SYNE1: variants seen among roughly 807,000 people sequenced by gnomAD.
The protein encoded by SYNE1 is nesprin-1.
Under a neutral mutation model 1,111.0 loss-of-function variants are expected in SYNE1, and 616 were observed. That is an observed-to-expected ratio of 0.55 (90% CI 0.52 to 0.59). The LOEUF is 0.59. SYNE1 is among the 20% of genes least tolerant of loss of function. SYNE1 has a pLI of 0.00. For missense variants in SYNE1, 10,006 were observed against 10,417.0 expected, an observed-to-expected ratio of 0.96 and a Z score of 1.72; for synonymous variants, 3,855 against 3,825.8, an observed-to-expected ratio of 1.01 and a Z score of -0.28.
At chr6:152,550,321 C>T (rs555714581) in intron 3 of SYNE1, among the ~76,000 whole-genome samples, 32 of 152,124 alleles carry the variant, frequency 2.1e-4, no homozygotes, top group African/African-American at 7.2e-4. Flanking sequence ...TTTGATTTAT[C>T]TTATAATTCT....
At chr6:152,484,096 C>A (rs1040447044) in intron 13 of SYNE1, among the ~76,000 whole-genome samples, 3 of 150,106 alleles carry the variant, frequency 2.0e-5, no homozygotes, top group African/African-American at 7.4e-5. Flanking sequence ...CCTGTGGTCC[C>A]AGCTACTTGG....
At chr6:152,493,084 C>T (rs936418682) in intron 11 of SYNE1, among the ~76,000 whole-genome samples, 4 of 152,060 alleles carry the variant, frequency 2.6e-5, no homozygotes, top group African/African-American at 9.7e-5. Context: ...CTCTTGTATC[C>T]CCTGCACCTG....
At chr6:152,465,836 A>G in intron 17 of SYNE1, 146 bp downstream of exon 17, 1 of 662,938 alleles carries the variant, frequency 1.5e-6, no homozygotes, top group Non-Finnish European at 2.7e-6. Context: ...AGCCAAGGGA[A>G]CTGAATCCAG....
intron 82 of SYNE1, among the ~76,000 whole-genome samples, chr6:152,322,367 T>C (rs1563054144): frequency 6.6e-6 from 1 of 151,440 alleles, no homozygotes; most frequent in African/African-American, 2.4e-5. Context: ...TTAAAAAGTG[T>C]TAGGTTACCT....
rs780027543 is a variant in SYNE1, at chr6:152,354,898, C to A, written c.10687G>T (p.Gly3563Cys). The A allele has an allele frequency of 2.4e-5, 38 of 1,614,024 alleles. No homozygotes were observed. Among genetic ancestry groups the A allele is most frequent in the Non-Finnish European group, 3.1e-5 (37 of 1,180,028 alleles). Reference protein sequence around the residue: ...LHTREDVIPSGIPQAEDRALE... With the variant: ...LHTREDVIPSCIPQAEDRALE... ...GCCCGGTCCTCTGCCTGTGGGATAC[C>A]TGATGGGATCACATCCTCTCTGGTG... is the stretch of plus-strand genomic sequence containing the variant. Residue 3563 changes from glycine to cysteine, a missense_variant, in exon 67 of 146, where the codon GGT (glycine) becomes TGT (cysteine). Gly to Cys is a radical substitution (Grantham distance 159, BLOSUM62 -3). Around this residue, in one of 7 missense-constraint regions of SYNE1, gnomAD observed 4,955 missense variants for 5,017.2 expected, o/e 0.99. Coordinates refer to ENST00000367255, the MANE Select transcript of SYNE1 (RefSeq NM_182961.4).
At chr6:152,482,997 T>C in intron 14 of SYNE1, 88 bp downstream of exon 14, 1 of 1,441,602 alleles carries the variant, frequency 6.9e-7, no homozygotes, top group Non-Finnish European at 9.8e-7. Context: ...ATTTGGGGCG[T>C]CCCCGCCAGA....
At chr6:152,343,432 T>A (rs2096573879) in intron 74 of SYNE1, among the ~76,000 whole-genome samples, 1 of 151,734 alleles carries the variant, frequency 6.6e-6, no homozygotes, top group African/African-American at 2.4e-5. Flanking sequence ...GTGTTGGGAT[T>A]ACAGGCATGA....
Position 152,462,765 on chromosome 6 carries a change from A to G in SYNE1, c.2223T>C (p.Asn741=). The change falls in exon 20 of 146, where the codon AAT becomes AAC. Residue 741 remains asparagine (N), a synonymous_variant. Transcript: ENST00000367255. ...LSEPLEVSFM[N]VKLLIQDLED... ...CCAAGTCTTGAATTAATAGCTTGAC[A>G]TTCATAAAAGAGACTTCTAAGGGTT... The G allele has an allele frequency of 6.2e-7, 1 of 1,614,066 alleles. No individual in the cohort carries two copies. The highest frequency in any genetic ancestry group is 1.1e-5 in the South Asian group (1 of 91,078).
Position 152,339,261 on chromosome 6 carries a change from T to C in SYNE1, c.12331A>G (p.Ile4111Val), listed in dbSNP as rs755885051. The C allele has an allele frequency of 1.2e-6, 2 of 1,613,838 alleles. No homozygotes were observed. Among genetic ancestry groups the C allele is most frequent in the Non-Finnish European group, 1.7e-6 (2 of 1,179,834 alleles). Residue 4111 changes from isoleucine to valine, a missense_variant, in exon 75 of 146, where the codon ATT (isoleucine) becomes GTT (valine). By Grantham distance (29) the Ile-to-Val change is conservative. Around this residue, in one of 7 missense-constraint regions of SYNE1, gnomAD observed 4,955 missense variants for 5,017.2 expected, o/e 0.99. Transcript: ENST00000367255. ...NASVKTTAKD[I>V]QQTEQTIEQK... ...CTTACCGTTTGCTCTGTTTGTTGAA[T>C]GTCTTTTGCTGTGGTTTTCACCGAA...
chr6:152,180,625 AG>A (rs2067728993), intron 128 of SYNE1, among the ~76,000 whole-genome samples: 1 of 152,030 alleles, frequency 6.6e-6, no homozygotes, highest in Non-Finnish European at 1.5e-5. Flanking sequence ...AAAGGAAAGA[AG>A]GGAAGTAAAA....
Position 152,250,269 on chromosome 6 carries a change from C to T in SYNE1, c.19471-1007G>A, listed in dbSNP as rs138757436. Among the ~76,000 whole-genome samples, 876 of 151,796 alleles carry T rather than the reference C, an allele frequency of 5.8e-3. 11 individuals are homozygous for T. The highest frequency in any genetic ancestry group is 0.02 in the African/African-American group (815 of 41,394). On this transcript the variant is annotated intron_variant, in intron 104 of 145. Coordinates refer to ENST00000367255, the MANE Select transcript of SYNE1 (RefSeq NM_182961.4). Reference sequence around the variant, plus strand: ...ACTTTATCTCAAAAAAAAAAAATTACCAAAAAAATGTATTTTTTTCTCTAA... The same window carrying T: ...ACTTTATCTCAAAAAAAAAAAATTATCAAAAAAATGTATTTTTTTCTCTAA...
At chr6:152,328,246 C>T (rs759633880) in intron 78 of SYNE1, among the ~76,000 whole-genome samples, 8 of 152,020 alleles carry the variant, frequency 5.3e-5, no homozygotes, top group South Asian at 2.1e-4. Flanking sequence ...ATTATCCTGA[C>T]GAAAGCTATC....
intron 121 of SYNE1, 110 bp from the exon 122 acceptor site, chr6:152,215,170 G>T: frequency 7.9e-7 from 1 of 1,264,476 alleles, no homozygotes; most frequent in Non-Finnish European, 1.1e-6. Flanking sequence ...CTTCGGTCTA[G>T]TGGCCTCTGC....
intron 117 of SYNE1, among the ~76,000 whole-genome samples, chr6:152,223,602 A>G (rs2080761252): frequency 6.7e-6 from 1 of 149,136 alleles, no homozygotes; most frequent in Non-Finnish European, 1.5e-5. Context: ...TGGGCGACAG[A>G]GCGAGACTCT....
chr6:152,294,950 C>G (rs1457145754), intron 93 of SYNE1, among the ~76,000 whole-genome samples: 1 of 152,064 alleles, frequency 6.6e-6, no homozygotes, highest in Non-Finnish European at 1.5e-5. Flanking sequence ...AAGTTCATTG[C>G]TTTTGCAGTT....
At chr6:152,589,768 T>C (rs2099552817) in intron 3 of SYNE1, among the ~76,000 whole-genome samples, 1 of 152,144 alleles carries the variant, frequency 6.6e-6, no homozygotes, top group Non-Finnish European at 1.5e-5. Context: ...GAAACATTAA[T>C]GCAAAATGAA....
At chr6:152,603,418 C>A (rs2128671790) in intron 3 of SYNE1, among the ~76,000 whole-genome samples, 1 of 152,186 alleles carries the variant, frequency 6.6e-6, no homozygotes, top group East Asian at 1.9e-4. Context: ...ATGCTATGGA[C>A]TGTTCTGTCC....
At position 152,413,376 on chromosome 6, in the gene SYNE1, T is replaced by A; in HGVS notation, c.6206A>T (p.Asp2069Val). Residue 2069 changes from aspartate to valine, a missense_variant, in exon 42 of 146, where the codon GAT becomes GTT. Asp to Val is a radical substitution (Grantham distance 152). Coordinates refer to ENST00000367255, the MANE Select transcript of SYNE1 (RefSeq NM_182961.4). ...EINRLEVTWD[D>V]TKRLIHENQG... The stretch of plus-strand genomic sequence containing the variant: ...CTTTTCATGAATTAGTCTTTTGGTA[T>A]CATCCCAGGTGACCTCTAAGCGGTT... 1.9e-6 allele frequency: 3 copies of A among 1,614,158 alleles called. No homozygotes were observed. Among genetic ancestry groups the A allele is most frequent in the Non-Finnish European group, 2.5e-6 (3 of 1,180,014 alleles).
At chr6:152,408,472 A>G (rs1297931068) in intron 44 of SYNE1, among the ~76,000 whole-genome samples, 1 of 152,202 alleles carries the variant, frequency 6.6e-6, no homozygotes, top group Admixed American at 6.5e-5. Context: ...TTTTTTATCT[A>G]TAATTTCATA....
Sources: gnomAD v4.1 joint callset for allele counts (sites outside exome capture counted in the v4.1 genomes callset) on GRCh38, gnomAD v4.1.1 for gene constraint, gnomAD v4.1.1 regional missense constraint, MANE v1.5 for transcripts, NCBI Gene and HGNC (gene_info 2026-07-23, HGNC 2026-07-21) for gene names.